The following PICALM variants were observed in gnomAD, a reference collection of about 807,000 sequenced individuals.
PICALM encodes phosphatidylinositol binding clathrin assembly protein, also known as phosphatidylinositol-binding clathrin assembly protein.
A neutral mutation model predicts 80.5 loss-of-function variants in PICALM; 40 were observed. That is an observed-to-expected ratio of 0.50 (90% CI 0.39 to 0.65). The LOEUF (loss-of-function observed/expected upper bound fraction) is 0.65. Among genes scored for constraint, PICALM ranks in the 30% least tolerant of loss-of-function variants. The probability of loss-of-function intolerance (pLI) is 0.00; values close to 1 mark genes in which losing one functional copy is unlikely to be tolerated. For synonymous variants in PICALM, 288 were observed against 260.3 expected (o/e 1.11, Z -1.02); for missense variants, 676 against 778.9 (o/e 0.87, Z 1.57).
intron 11 of PICALM, among the ~76,000 whole-genome samples, chr11:85,997,400 A>C (rs2095002906): frequency 6.6e-6 from 1 of 152,238 alleles, no homozygotes; most frequent in Admixed American, 6.5e-5. Flanking sequence ...TCAATGATAC[A>C]GGGAAAAAAT....
At chr11:85,999,960 G>A (rs1243680618) in intron 11 of PICALM, among the ~76,000 whole-genome samples, 3 of 152,204 alleles carry the variant, frequency 2.0e-5, no homozygotes, top group Non-Finnish European at 2.9e-5. Flanking sequence ...TGATGTTAAA[G>A]TTGAGAACCA....
intron 19 of PICALM, among the ~76,000 whole-genome samples, chr11:85,970,762 C>G (rs2094080139): frequency 6.6e-6 from 1 of 152,156 alleles, no homozygotes; most frequent in African/African-American, 2.4e-5. Flanking sequence ...GAAATCGTAC[C>G]ACTGCCCTCC....
intron 1 of PICALM, among the ~76,000 whole-genome samples, chr11:86,056,018 C>G (rs1387728583): frequency 6.6e-6 from 1 of 150,978 alleles, no homozygotes; most frequent in Non-Finnish European, 1.5e-5. Context: ...TGCCTGTAGT[C>G]CCAGCTACTC....
intron 12 of PICALM, among the ~76,000 whole-genome samples, chr11:85,994,970 C>T (rs1202414176): frequency 1.3e-5 from 2 of 152,214 alleles, no homozygotes; most frequent in Non-Finnish European, 2.9e-5. Context: ...TCCCAAAGTA[C>T]TGGGATTACA....
intron 2 of PICALM, among the ~76,000 whole-genome samples, chr11:86,029,195 T>C (rs1296846218): frequency 1.3e-5 from 2 of 151,898 alleles, no homozygotes; most frequent in Non-Finnish European, 2.9e-5. Flanking sequence ...ACCTACTATA[T>C]ACCAGCAGCA....
At chr11:85,978,393 G>A (rs569294673) in intron 17 of PICALM, 150 of 191,188 alleles carry the variant, frequency 7.8e-4, no homozygotes, top group Middle Eastern at 2.0e-3. Flanking sequence ...TTTGGGCATT[G>A]CATAAACAGG....
At chr11:85,966,521 A>AT (rs71468974) in intron 19 of PICALM, among the ~76,000 whole-genome samples, 15,363 of 152,268 alleles carry the variant, frequency 0.1, 943 homozygotes, top group Admixed American at 0.14. Context: ...TAATACCACA[A>AT]TTTTACAGGT....
rs549780387 is a variant in PICALM, at chr11:86,016,181, G to A, written c.453-1218C>T. On this transcript the variant is annotated intron_variant, in intron 4 of 19. Transcript: ENST00000393346. ...CTCCATCACAGAAGATTTGAACATT[G>A]GCTCAGTCTTTCTTGTCATTAGCTT... Among the ~76,000 whole-genome samples the A allele has an allele frequency of 1.1e-4, 16 of 152,194 alleles. No homozygotes were observed. The East Asian group carries it at 2.5e-3, about 24-fold the overall frequency.
chr11:86,038,867 T>C (rs1357147200), intron 1 of PICALM, among the ~76,000 whole-genome samples: 1 of 151,060 alleles, frequency 6.6e-6, no homozygotes. Context: ...TCCCAGTACG[T>C]TGGGGGTCAA....
At chr11:85,976,400 G>C (rs2094284516) in intron 18 of PICALM, among the ~76,000 whole-genome samples, 1 of 152,092 alleles carries the variant, frequency 6.6e-6, no homozygotes, top group Admixed American at 6.5e-5. Flanking sequence ...GTTACGAGGA[G>C]AAAAATAAAC....
intron 9 of PICALM, among the ~76,000 whole-genome samples, chr11:86,002,164 T>C (rs2095163063): frequency 2.0e-5 from 3 of 152,230 alleles, no homozygotes; most frequent in Admixed American, 2.0e-4. Flanking sequence ...TTTTTTTCGT[T>C]ATTCTCTCAA....
At chr11:86,014,804 TA>T (rs2095454397) in intron 5 of PICALM, 65 bp downstream of exon 5, 3 of 899,500 alleles carry the variant, frequency 3.3e-6, no homozygotes, top group Non-Finnish European at 5.0e-6. Flanking sequence ...AACTTGAGGT[TA>T]AAAATTCTCA....
Position 86,001,274 on chromosome 11 carries a change from C to T in PICALM, c.894-116G>A, listed in dbSNP as rs184142605. ...ATAGGCACTATAATTATAAACTTAA[C>T]TTCTGGATTCAAATCCAGTACTTCA... On this transcript the variant is annotated intron_variant, in intron 9 of 19. Transcript: ENST00000393346. The T allele has an allele frequency of 9.5e-4, 870 of 918,668 alleles. 6 individuals are homozygous for T. The African/African-American group carries it at 0.013, about 14-fold the overall frequency. The allele number at this position is 918,668 out of a possible 1,614,324, so 56.9% of individuals were successfully genotyped here.
At chr11:86,048,837 CAAA>C (rs36076234) in intron 1 of PICALM, among the ~76,000 whole-genome samples, 33,135 of 102,048 alleles carry the variant, frequency 0.32, 3,964 homozygotes, top group East Asian at 0.48. Context: ...AACTCCGTCT[CAAA>C]AAAAAAAAAA....
At chr11:86,019,322 G>GC (rs1419566481) in intron 4 of PICALM, among the ~76,000 whole-genome samples, 2 of 151,670 alleles carry the variant, frequency 1.3e-5, no homozygotes, top group African/African-American at 4.9e-5. Flanking sequence ...TGTGTATAAT[G>GC]CCACTTTTGC....
chr11:86,018,020 G>A (rs2095507233), intron 4 of PICALM, among the ~76,000 whole-genome samples: 2 of 152,130 alleles, frequency 1.3e-5, no homozygotes, highest in South Asian at 4.1e-4. Context: ...TACATTTCTG[G>A]AAGTGAAATT....
rs549656734 is a variant in PICALM at position 86,041,068 on chromosome 11, A to G, written c.131-9457T>C. Among the ~76,000 whole-genome samples, 6 of 152,272 alleles carry G rather than the reference A, an allele frequency of 3.9e-5. No individual in the cohort carries two copies. The South Asian group carries it at 6.2e-4, about 16-fold the overall frequency. The stretch of plus-strand genomic sequence containing the variant: ...TTCATACTCTCTTAACTCATCATAC[A>G]ATAGTTACAGCACTTTTCACACTTC... On this transcript the variant is annotated intron_variant, in intron 1 of 19. Coordinates refer to ENST00000393346, the MANE Select transcript of PICALM (RefSeq NM_007166.4).
At chr11:86,055,327 CAA>C (rs1203232255) in intron 1 of PICALM, among the ~76,000 whole-genome samples, 15 of 107,656 alleles carry the variant, frequency 1.4e-4, no homozygotes, top group Admixed American at 2.8e-4. Context: ...AACTCCGTCT[CAA>C]AAAAAAAAAA....
chr11:86,006,573 G>A (rs930586566), intron 8 of PICALM, among the ~76,000 whole-genome samples: 5 of 152,176 alleles, frequency 3.3e-5, no homozygotes, highest in Admixed American at 3.3e-4. Context: ...CTTGAACCCA[G>A]GAAGCGGAGG....
Sources: gnomAD v4.1 joint callset for allele counts (sites outside exome capture counted in the v4.1 genomes callset) on GRCh38, gnomAD v4.1.1 for gene constraint, MANE v1.5 for transcripts, NCBI Gene and HGNC (gene_info 2026-07-23, HGNC 2026-07-21) for gene names.